Variants in CNTNAP4 observed in about 807,000 individuals in gnomAD.
CNTNAP4 encodes contactin associated protein family member 4.
In CNTNAP4, 98 loss-of-function variants were observed where a neutral mutation model predicts 148.4. The ratio of observed to expected loss-of-function variants is 0.66; its 90% CI spans 0.56 to 0.78. The LOEUF is 0.78. CNTNAP4 is among the 30% of genes least tolerant of loss of function. The pLI is 0.00. For missense variants in CNTNAP4, 1,935 were observed against 1,565.6 expected (o/e 1.24, Z -3.98); for synonymous variants, 730 against 565.1 (o/e 1.29, Z -4.14).
chr16:76,383,669 A>G (rs543621255), intron 3 of CNTNAP4, among the ~76,000 whole-genome samples: 10 of 152,332 alleles, frequency 6.6e-5, no homozygotes, highest in African/African-American at 2.4e-4. Context: ...ATACAGAACT[A>G]TTGTGAAATT....
chr16:76,545,192 A>C (rs954868109), intron 21 of CNTNAP4, among the ~76,000 whole-genome samples: 1 of 152,166 alleles, frequency 6.6e-6, no homozygotes, highest in Non-Finnish European at 1.5e-5. Context: ...TTGATTTTTA[A>C]TTTTTTTAAT....
chr16:76,552,723 C>A (rs1397545189), intron 21 of CNTNAP4, among the ~76,000 whole-genome samples: 1 of 152,094 alleles, frequency 6.6e-6, no homozygotes, highest in Non-Finnish European at 1.5e-5. Context: ...CGAGGTATGG[C>A]CTCCACTGCA....
At chr16:76,384,493 C>T (rs183957028) in intron 3 of CNTNAP4, among the ~76,000 whole-genome samples, 5 of 152,264 alleles carry the variant, frequency 3.3e-5, no homozygotes, top group Admixed American at 6.5e-5. Context: ...CACACCCAAG[C>T]GAGGATTCAG....
chr16:76,459,354 C>G (rs1446891929), intron 8 of CNTNAP4, among the ~76,000 whole-genome samples: 2 of 152,212 alleles, frequency 1.3e-5, no homozygotes, highest in African/African-American at 4.8e-5. Context: ...GAAAATGTGT[C>G]TAAATGTATC....
chr16:76,386,590 C>G lies in CNTNAP4; in HGVS notation c.390+31079C>G, dbSNP rs564192841. On this transcript the variant is annotated intron_variant, in intron 3 of 23. Coordinates refer to ENST00000611870, the MANE Select transcript of CNTNAP4 (RefSeq NM_033401.5). ...TTACGTTAATTTTCCAGAGCCTAAC[C>G]TGGTGCTAGAAACATAGTAGGTACT... is the stretch of plus-strand genomic sequence containing the variant. Among the ~76,000 whole-genome samples the G allele has an allele frequency of 5.9e-5, 9 of 152,134 alleles. 1 individual carries two copies. The South Asian group carries it at 1.9e-3, about 32-fold the overall frequency.
chr16:76,482,551 C>T lies in CNTNAP4; in HGVS notation c.1882+3013C>T, dbSNP rs185304422. Among the ~76,000 whole-genome samples the T allele has an allele frequency of 3.8e-3, 581 of 151,574 alleles. 4 individuals carry two copies. The highest frequency in any genetic ancestry group is 6.8e-3 in the Non-Finnish European group (465 of 67,944). On this transcript the variant is annotated intron_variant, in intron 12 of 23. Transcript: ENST00000611870. ...ACTAATGAATGTTTAGTTCTAAAAA[C>T]TGCAGGTGGTGGCAAACTCTGTGCC...
At chr16:76,282,009 G>T (rs548486911) in intron 1 of CNTNAP4, among the ~76,000 whole-genome samples, 1 of 151,122 alleles carries the variant, frequency 6.6e-6, no homozygotes, top group Non-Finnish European at 1.5e-5. Flanking sequence ...TTACTCTCTG[G>T]CACTTTATAT....
At position 76,522,168 on chromosome 16, in the gene CNTNAP4, C is replaced by G. The variant is rs987065837; in HGVS notation, c.2666C>G (p.Ser889Cys). Residue 889 changes from serine (S) to cysteine (C), a missense_variant, in exon 17 of 24, where the codon TCC becomes TGC. Coordinates refer to ENST00000611870, the MANE Select transcript of CNTNAP4 (RefSeq NM_033401.5). ...GTTGAAAGGAACATGAAGGAGGCCT[C>G]CCTTCAAGTGGATCAGCTGACACCA... The part of the protein sequence containing the change: ...VRVERNMKEA[S>C]LQVDQLTPKT... 33 of 1,613,734 alleles carry G rather than the reference C, an allele frequency of 2.0e-5. No individual in the cohort carries two copies. In the East Asian group the frequency reaches 6.9e-4, roughly 34 times the overall value.
rs776928244 is a variant in CNTNAP4, at chr16:76,462,491, C to T, written c.1483+386C>T. Among the ~76,000 whole-genome samples the T allele has an allele frequency of 1.3e-5, 2 of 152,066 alleles. 1 individual carries two copies. Among genetic ancestry groups the T allele is most frequent in the South Asian group, 4.1e-4 (2 of 4,820 alleles). ...TCCTTCAGAGCATCCTTATTGCTTC[C>T]CTACTGTCCAGTACAGAAGGACAAT... On this transcript the variant is annotated intron_variant, in intron 9 of 23. Coordinates refer to ENST00000611870, the MANE Select transcript of CNTNAP4 (RefSeq NM_033401.5).
chr16:76,418,195 C>A (rs1311859482), intron 3 of CNTNAP4, among the ~76,000 whole-genome samples: 1 of 151,486 alleles, frequency 6.6e-6, no homozygotes, highest in Non-Finnish European at 1.5e-5. Context: ...TCAAGTATTT[C>A]TTTGATCTAT....
At chr16:76,539,362 T>A (rs895556714) in intron 19 of CNTNAP4, among the ~76,000 whole-genome samples, 3 of 152,080 alleles carry the variant, frequency 2.0e-5, no homozygotes, top group African/African-American at 7.2e-5. Flanking sequence ...ATTTTTTAAA[T>A]ATAGGAACAG....
At position 76,449,840 on chromosome 16, in the gene CNTNAP4, A is replaced by G. The variant is rs1413775156; in HGVS notation, c.1053A>G (p.Lys351=). The G allele has an allele frequency of 6.2e-7, 1 of 1,608,242 alleles. No individual in the cohort carries two copies. ...VDIIDLAKQQ[K]PQIIAMGNVS... ...TCATTGATTTGGCCAAGCAGCAAAA[A>G]CCACAGATCATTGCTATGGTGAGAG... Residue 351 remains lysine, a synonymous_variant, in exon 7 of 24, where the codon AAA becomes AAG. Transcript: ENST00000611870.
intron 4 of CNTNAP4, among the ~76,000 whole-genome samples, chr16:76,444,587 T>C (rs2080167892): frequency 6.6e-6 from 1 of 152,068 alleles, no homozygotes; most frequent in African/African-American, 2.4e-5. Flanking sequence ...TTTTTTCAGG[T>C]TTTTATATGA....
chr16:76,332,551 A>G (rs1034984995), intron 2 of CNTNAP4, among the ~76,000 whole-genome samples: 2 of 151,902 alleles, frequency 1.3e-5, no homozygotes, highest in African/African-American at 4.8e-5. Context: ...TTTTTTTATA[A>G]TTCACTTTTT....
intron 3 of CNTNAP4, among the ~76,000 whole-genome samples, chr16:76,357,077 A>ACC (rs60305982): frequency 6.6e-6 from 1 of 151,858 alleles, no homozygotes; most frequent in African/African-American, 2.4e-5. Context: ...ACACACACAC[A>ACC]CACACCCCAA....
intron 1 of CNTNAP4, among the ~76,000 whole-genome samples, chr16:76,300,587 A>G (rs529784137): frequency 6.6e-6 from 1 of 152,332 alleles, no homozygotes; most frequent in East Asian, 1.9e-4. Context: ...TGAATGGCAA[A>G]TAAATGAGAC....
intron 1 of CNTNAP4, among the ~76,000 whole-genome samples, chr16:76,299,728 A>G (rs925733511): frequency 6.6e-6 from 1 of 152,196 alleles, no homozygotes. Flanking sequence ...CACAGTAGCA[A>G]AGACTTGGAA....
At chr16:76,367,946 A>C (rs1371992195) in intron 3 of CNTNAP4, among the ~76,000 whole-genome samples, 1 of 152,156 alleles carries the variant, frequency 6.6e-6, no homozygotes, top group Non-Finnish European at 1.5e-5. Context: ...GTGATAGCTA[A>C]ATTTCACTGT....
intron 3 of CNTNAP4, among the ~76,000 whole-genome samples, chr16:76,426,305 G>T (rs529800604): frequency 3.3e-5 from 5 of 152,136 alleles, no homozygotes; most frequent in African/African-American, 1.2e-4. Context: ...CCTGGGTATT[G>T]GTGTTTCTAA....
Sources: allele counts gnomAD v4.1 joint callset (sites outside exome capture counted in the v4.1 genomes callset), GRCh38; gene constraint gnomAD v4.1.1; transcripts MANE v1.5; gene names NCBI Gene and HGNC (gene_info 2026-07-23, HGNC 2026-07-21).